The following LHFPL3 variants were observed in gnomAD, a reference collection of about 807,000 sequenced individuals.
LHFPL3 encodes the protein LHFPL tetraspan subfamily member 3.
LHFPL3 carries 5 observed loss-of-function variants against 19.3 expected under a neutral mutation model. The ratio of observed to expected loss-of-function variants is 0.26; its 90% CI spans 0.14 to 0.54. The LOEUF (loss-of-function observed/expected upper bound fraction) is 0.54. Ranked by LOEUF, LHFPL3 falls within the 20% of genes least tolerant of loss-of-function variation. LHFPL3 has a pLI of 0.94. For synonymous variants in LHFPL3, 133 were observed against 126.2 expected, an observed-to-expected ratio of 1.05 and a Z score of -0.36; for missense variants, 249 against 307.4, an observed-to-expected ratio of 0.81 and a Z score of 1.42.
At chr7:104,761,338 C>T (rs981659053) in intron 2 of LHFPL3, among the ~76,000 whole-genome samples, 4 of 151,802 alleles carry the variant, frequency 2.6e-5, no homozygotes, top group Non-Finnish European at 5.9e-5. Flanking sequence ...GATGGAGTTT[C>T]TAAGTAGGGA....
intron 1 of LHFPL3, chr7:104,667,858 C>T (rs1350563164): frequency 1.2e-6 from 2 of 1,611,936 alleles, no homozygotes; most frequent in East Asian, 2.2e-5. Flanking sequence ...GTTTCCAAAC[C>T]AGTCAGCTGG....
At position 104,401,048 on chromosome 7, in the gene LHFPL3, C is replaced by T. The variant is rs115199846; in HGVS notation, c.445+71824C>T. On this transcript the variant is annotated intron_variant, in intron 1 of 2. Transcript: ENST00000424859. ...TTGTTTGTCAGCTATAAGGAATGGC[C>T]TAAGACCAGTCTGGGGATAGGCCCT... Among the ~76,000 whole-genome samples, 595 of 152,290 alleles carry T rather than the reference C, an allele frequency of 3.9e-3. 5 individuals are homozygous for T. The highest frequency in any genetic ancestry group is 0.014 in the African/African-American group (565 of 41,562).
chr7:104,419,212 T>A (rs890157865), intron 1 of LHFPL3, among the ~76,000 whole-genome samples: 1 of 152,232 alleles, frequency 6.6e-6, no homozygotes, highest in Non-Finnish European at 1.5e-5. Flanking sequence ...TGCTTTGATG[T>A]CAGGCAAACA....
intron 2 of LHFPL3, among the ~76,000 whole-genome samples, chr7:104,868,422 T>A (rs1444837237): frequency 6.6e-6 from 1 of 152,094 alleles, no homozygotes; most frequent in African/African-American, 2.4e-5. Flanking sequence ...ACAAGCATTC[T>A]TATACACCAA....
chr7:104,757,003 GCCCT>G (rs1794298011), intron 2 of LHFPL3, among the ~76,000 whole-genome samples: 3 of 152,054 alleles, frequency 2.0e-5, no homozygotes, highest in Non-Finnish European at 4.4e-5. Context: ...CTAGAATGGT[GCCCT>G]ACAAGTGAGA....
intron 1 of LHFPL3, among the ~76,000 whole-genome samples, chr7:104,434,871 T>C (rs913088573): frequency 6.6e-6 from 1 of 152,180 alleles, no homozygotes; most frequent in African/African-American, 2.4e-5. Context: ...CTATTGATAT[T>C]AATGGCAATA....
chr7:104,721,503 C>T (rs1457278052), intron 1 of LHFPL3, among the ~76,000 whole-genome samples: 4 of 151,696 alleles, frequency 2.6e-5, no homozygotes, highest in African/African-American at 4.9e-5. Flanking sequence ...CAAACCTGCA[C>T]GTTGTGCACA....
At chr7:104,333,491 G>A (rs1472670956) in intron 1 of LHFPL3, among the ~76,000 whole-genome samples, 1 of 152,188 alleles carries the variant, frequency 6.6e-6, no homozygotes, top group East Asian at 1.9e-4. Flanking sequence ...GTACCAGCAA[G>A]AAGGGCCAGC....
intron 1 of LHFPL3, among the ~76,000 whole-genome samples, chr7:104,603,125 T>C (rs1342828122): frequency 3.5e-3 from 467 of 131,764 alleles, no homozygotes; most frequent in African/African-American, 0.013. Context: ...TTTCTTTCTT[T>C]CTTTCTTTTT....
intron 1 of LHFPL3, among the ~76,000 whole-genome samples, chr7:104,552,122 C>T (rs1794672373): frequency 2.6e-5 from 4 of 152,126 alleles, no homozygotes; most frequent in African/African-American, 9.7e-5. Flanking sequence ...TCTGTAAAAC[C>T]CTGCCTAGAC....
In LHFPL3 at chr7:104,381,144, A is replaced by G. The variant is rs758916236; in HGVS notation, c.445+51920A>G. Among the ~76,000 whole-genome samples, 4 of 152,324 alleles carry G rather than the reference A, an allele frequency of 2.6e-5. No homozygotes were observed. In the South Asian group the frequency reaches 6.2e-4, roughly 24 times the overall value. ...GAGCATGATGACAAAATTAAAACCC[A>G]TGGTTCACTTGTGACATTTAGCTTA... On this transcript the variant is annotated intron_variant, in intron 1 of 2. Transcript: ENST00000424859.
At chr7:104,368,726 A>G (rs538682948) in intron 1 of LHFPL3, among the ~76,000 whole-genome samples, 25 of 151,226 alleles carry the variant, frequency 1.7e-4, no homozygotes, top group African/African-American at 5.8e-4. Flanking sequence ...AAGACCAACA[A>G]TTTTGTGGTT....
At chr7:104,489,994 T>C (rs1442780311) in intron 1 of LHFPL3, among the ~76,000 whole-genome samples, 2 of 152,176 alleles carry the variant, frequency 1.3e-5, no homozygotes, top group Non-Finnish European at 2.9e-5. Flanking sequence ...CAGCATAGTC[T>C]TTTTATGCAC....
At chr7:104,647,787 G>A (rs888745688) in intron 1 of LHFPL3, among the ~76,000 whole-genome samples, 5 of 152,306 alleles carry the variant, frequency 3.3e-5, no homozygotes, top group South Asian at 2.1e-4. Context: ...GAAGGAGAAA[G>A]AGGAAGGGGC....
At chr7:104,584,653 A>G (rs1303170740) in intron 1 of LHFPL3, among the ~76,000 whole-genome samples, 1 of 152,168 alleles carries the variant, frequency 6.6e-6, no homozygotes, top group Non-Finnish European at 1.5e-5. Flanking sequence ...AAATGAAGAA[A>G]GTCTCACTGA....
chr7:104,673,763 G>A (rs1057179002), intron 1 of LHFPL3, among the ~76,000 whole-genome samples: 2 of 152,178 alleles, frequency 1.3e-5, no homozygotes, highest in African/African-American at 4.8e-5. Flanking sequence ...TCCTCAATTA[G>A]TGGCAAGAGC....
intron 1 of LHFPL3, among the ~76,000 whole-genome samples, chr7:104,676,577 G>C (rs1792596452): frequency 6.6e-6 from 1 of 152,168 alleles, no homozygotes; most frequent in African/African-American, 2.4e-5. Flanking sequence ...AGGCATACCT[G>C]GTCTTTTTCA....
chr7:104,376,104 A>C (rs1190087139), intron 1 of LHFPL3, among the ~76,000 whole-genome samples: 1 of 152,216 alleles, frequency 6.6e-6, no homozygotes, highest in Non-Finnish European at 1.5e-5. Flanking sequence ...GCCTTTAAAA[A>C]ATCTACTGAT....
intron 2 of LHFPL3, among the ~76,000 whole-genome samples, chr7:104,868,371 T>C (rs928234609): frequency 2.6e-5 from 4 of 152,168 alleles, no homozygotes; most frequent in African/African-American, 9.7e-5. Flanking sequence ...GATAGGCAAC[T>C]TCAGCAAAGT....
Sources: allele counts gnomAD v4.1 joint callset (sites outside exome capture counted in the v4.1 genomes callset), GRCh38; gene constraint gnomAD v4.1.1; transcripts MANE v1.5; gene names NCBI Gene and HGNC (gene_info 2026-07-23, HGNC 2026-07-21).